DPP6: variants seen among roughly 807,000 people sequenced by gnomAD.
DPP6 encodes the protein dipeptidyl peptidase like 6.
Under a neutral mutation model 122.6 loss-of-function variants are expected in DPP6, and 69 were observed. The observed-to-expected ratio is 0.56, with a 90% CI of 0.46 to 0.69. The LOEUF (loss-of-function observed/expected upper bound fraction) is 0.69. Among genes scored for constraint, DPP6 ranks in the 30% least tolerant of loss-of-function variants. The pLI, the probability that DPP6 is intolerant of heterozygous loss-of-function variation, is 0.00. For missense variants in DPP6, 928 were observed against 1,116.9 expected (o/e 0.83, Z 2.41); for synonymous variants, 418 against 433.1 (o/e 0.97, Z 0.43).
chr7:153,801,562 G>C, the DPP6 span, among the ~76,000 whole-genome samples: 1 of 152,154 alleles, frequency 6.6e-6, no homozygotes, highest in Admixed American at 6.5e-5. Flanking sequence ...TGGCAGGAAA[G>C]GGGGCCACTC....
chr7:154,406,496 CACAT>C (rs1215681948), intron 1 of DPP6, among the ~76,000 whole-genome samples: 2 of 151,694 alleles, frequency 1.3e-5, no homozygotes, highest in African/African-American at 2.4e-5. Context: ...CACACATGCA[CACAT>C]ACATGCACAC....
intron 10 of DPP6, among the ~76,000 whole-genome samples, chr7:154,788,561 C>CA (rs1270520377): frequency 6.6e-6 from 1 of 152,094 alleles, no homozygotes; most frequent in African/African-American, 2.4e-5. Flanking sequence ...GGAGAAGCTT[C>CA]AGATCAGCCT....
chr7:154,182,098 C>G (rs1315316823), intron 1 of DPP6, among the ~76,000 whole-genome samples: 2 of 152,112 alleles, frequency 1.3e-5, no homozygotes, highest in Non-Finnish European at 2.9e-5. Flanking sequence ...CCATGGCTGG[C>G]AGTCTGGGCT....
At chr7:154,095,042 C>T (rs1468186136) in intron 1 of DPP6, 1 of 152,250 alleles carries the variant, frequency 6.6e-6, no homozygotes, top group East Asian at 1.9e-4. Flanking sequence ...AGGTGCAGGA[C>T]ATGTGCTGCC....
intron 1 of DPP6, among the ~76,000 whole-genome samples, chr7:154,255,216 C>T (rs1802583523): frequency 1.3e-5 from 2 of 152,000 alleles, no homozygotes; most frequent in South Asian, 4.2e-4. Flanking sequence ...GGCTGAGGTC[C>T]AGTGAGCTGC....
At chr7:154,034,402 C>T (rs921813873) in intron 1 of DPP6, among the ~76,000 whole-genome samples, 26 of 152,266 alleles carry the variant, frequency 1.7e-4, no homozygotes, top group African/African-American at 6.0e-4. Flanking sequence ...TGATGCTCAT[C>T]GCTGTGGATC....
chr7:154,296,766 A>T (rs917974063), intron 1 of DPP6, among the ~76,000 whole-genome samples: 1 of 152,226 alleles, frequency 6.6e-6, no homozygotes, highest in African/African-American at 2.4e-5. Flanking sequence ...GATAGTGGGT[A>T]TGGATTTGGT....
intron 1 of DPP6, among the ~76,000 whole-genome samples, chr7:154,076,856 G>A (rs576429699): frequency 7.8e-4 from 118 of 151,406 alleles, no homozygotes; most frequent in African/African-American, 2.8e-3. Flanking sequence ...ACTTAATGAG[G>A]AATACAGCGC....
chr7:154,204,009 C>G (rs1392766693), intron 1 of DPP6, among the ~76,000 whole-genome samples: 2 of 152,190 alleles, frequency 1.3e-5, no homozygotes, highest in Non-Finnish European at 2.9e-5. Flanking sequence ...TACAATATAT[C>G]CCAGAAAGTG....
chr7:153,804,953 G>A, the DPP6 span, among the ~76,000 whole-genome samples: 14,147 of 152,042 alleles, frequency 0.093, 864 homozygotes, highest in African/African-American at 0.18. Flanking sequence ...TCCTGACATT[G>A]TACTGGGAAA....
At chr7:154,302,931 C>A (rs150614154) in intron 1 of DPP6, among the ~76,000 whole-genome samples, 1 of 152,174 alleles carries the variant, frequency 6.6e-6, no homozygotes, top group Admixed American at 6.5e-5. Flanking sequence ...TCCTAAGATG[C>A]GAACAGATGG....
intron 10 of DPP6, among the ~76,000 whole-genome samples, chr7:154,779,073 C>CCACGACCACCACCACCAT (rs1207542097): frequency 6.6e-6 from 1 of 151,062 alleles, no homozygotes; most frequent in Admixed American, 6.6e-5. Context: ...ACCATCACCT[C>CCACGACCACCACCACCAT]CATCACCTCC....
At chr7:154,786,168 A>G (rs951238291) in intron 10 of DPP6, among the ~76,000 whole-genome samples, 1 of 152,240 alleles carries the variant, frequency 6.6e-6, no homozygotes. Flanking sequence ...AAAGGAGTGC[A>G]GGAAGTAAAT....
intron 7 of DPP6, among the ~76,000 whole-genome samples, chr7:154,719,889 G>A (rs187578025): frequency 5.7e-4 from 87 of 152,328 alleles, no homozygotes; most frequent in African/African-American, 1.9e-3. Context: ...TCAACGTGAA[G>A]GCCTCTGTCT....
At chr7:154,738,643 T>G (rs1278225925) in intron 8 of DPP6, among the ~76,000 whole-genome samples, 1 of 152,206 alleles carries the variant, frequency 6.6e-6, no homozygotes, top group Non-Finnish European at 1.5e-5. Context: ...TTTTGGAATA[T>G]TTAAAAGGAA....
chr7:154,256,748 G>A (rs1439795693), intron 1 of DPP6, among the ~76,000 whole-genome samples: 1 of 152,192 alleles, frequency 6.6e-6, no homozygotes, highest in Non-Finnish European at 1.5e-5. Context: ...TTGATTCTCA[G>A]TAGGTCGTTC....
At chr7:153,793,002 T>C in the DPP6 span, among the ~76,000 whole-genome samples, 61,872 of 149,884 alleles carry the variant, frequency 0.41, 10,937 homozygotes, top group Middle Eastern at 0.49. Flanking sequence ...CCGCCAGCCA[T>C]GTGAAACAAT....
At chr7:154,694,227 G>C (rs970875667) in intron 7 of DPP6, among the ~76,000 whole-genome samples, 1 of 152,156 alleles carries the variant, frequency 6.6e-6, no homozygotes, top group Admixed American at 6.5e-5. Context: ...ATTTCCCAAA[G>C]ACCTCACTTC....
intron 1 of DPP6, among the ~76,000 whole-genome samples, chr7:154,313,302 C>T (rs1807068409): frequency 6.6e-6 from 1 of 152,050 alleles, no homozygotes; most frequent in African/African-American, 2.4e-5. Flanking sequence ...CAGCGGTCTG[C>T]TGGAGAAAGG....
Sources: gnomAD v4.1 joint callset for allele counts (sites outside exome capture counted in the v4.1 genomes callset) on GRCh38, gnomAD v4.1.1 for gene constraint, MANE v1.5 for transcripts, NCBI Gene and HGNC (gene_info 2026-07-23, HGNC 2026-07-21) for gene names.